Variants in GALNT13 observed in about 807,000 individuals in gnomAD.
GALNT13 encodes polypeptide N-acetylgalactosaminyltransferase 13, also known as UDP-GalNAc:polypeptide N-acetylgalactosaminyltransferase 13.
A neutral mutation model predicts 64.2 loss-of-function variants in GALNT13; 28 were observed. The observed-to-expected ratio is 0.44, with a 90% CI of 0.32 to 0.60. The LOEUF (loss-of-function observed/expected upper bound fraction) is 0.60. Among genes scored for constraint, GALNT13 ranks in the 20% least tolerant of loss-of-function variants. The probability of loss-of-function intolerance (pLI) is 0.05; values close to 1 mark genes in which losing one functional copy is unlikely to be tolerated. For synonymous variants in GALNT13, 214 were observed against 224.6 expected (o/e 0.95, Z 0.42); for missense variants, 577 against 669.8 (o/e 0.86, Z 1.53).
chr2:154,134,252 G>A (rs1395929944), intron 3 of GALNT13, among the ~76,000 whole-genome samples: 1 of 152,170 alleles, frequency 6.6e-6, no homozygotes, highest in Non-Finnish European at 1.5e-5. Flanking sequence ...ATGGAATGAT[G>A]TAAAAGAGCT....
At chr2:153,789,862 C>T in the GALNT13 span, among the ~76,000 whole-genome samples, 1 of 152,032 alleles carries the variant, frequency 6.6e-6, no homozygotes, top group East Asian at 1.9e-4. Context: ...GACACATACA[C>T]CCTCCTGAGA....
chr2:154,127,709 C>CACGTGTGTGT (rs531891757), intron 3 of GALNT13, among the ~76,000 whole-genome samples: 1 of 125,912 alleles, frequency 7.9e-6, no homozygotes, highest in East Asian at 2.6e-4. Context: ...CACACACACA[C>CACGTGTGTGT]GTGTGTGTGT....
intron 3 of GALNT13, among the ~76,000 whole-genome samples, chr2:153,993,106 G>T (rs771812445): frequency 1.3e-5 from 2 of 151,882 alleles, no homozygotes; most frequent in African/African-American, 2.4e-5. Context: ...ATATATTTAC[G>T]ACTAATATAT....
intron 4 of GALNT13, among the ~76,000 whole-genome samples, chr2:154,240,452 C>T (rs1689421167): frequency 6.6e-6 from 1 of 152,184 alleles, no homozygotes; most frequent in African/African-American, 2.4e-5. Flanking sequence ...AAACTTCACC[C>T]TAGACCTAGT....
At chr2:153,188,049 A>C in the GALNT13 span, among the ~76,000 whole-genome samples, 1 of 152,114 alleles carries the variant, frequency 6.6e-6, no homozygotes, top group East Asian at 1.9e-4. Context: ...TAATAAAATA[A>C]AACTTTTTTA....
intron 3 of GALNT13, among the ~76,000 whole-genome samples, chr2:153,980,935 A>G (rs1694419311): frequency 6.6e-6 from 1 of 152,136 alleles, no homozygotes; most frequent in African/African-American, 2.4e-5. Flanking sequence ...TTCCTTTTCA[A>G]CTAAAGGAGC....
At chr2:153,633,938 T>A in the GALNT13 span, among the ~76,000 whole-genome samples, 1 of 152,230 alleles carries the variant, frequency 6.6e-6, no homozygotes, top group Non-Finnish European at 1.5e-5. Flanking sequence ...ATTTCCGATG[T>A]CTGACTTAAA....
chr2:153,984,375 C>G (rs1394636645), intron 3 of GALNT13, among the ~76,000 whole-genome samples: 2 of 151,674 alleles, frequency 1.3e-5, no homozygotes, highest in Non-Finnish European at 2.9e-5. Flanking sequence ...AGGATACTAG[C>G]TCCAGAAGAC....
the GALNT13 span, among the ~76,000 whole-genome samples, chr2:153,737,827 C>T: frequency 1.3e-5 from 2 of 151,794 alleles, no homozygotes; most frequent in Admixed American, 6.6e-5. Context: ...TATTTGTATC[C>T]AATTGCTGTA....
At chr2:154,360,524 GCAGAAAAGCGAAAAA>G (rs1328234755) in intron 9 of GALNT13, among the ~76,000 whole-genome samples, 2 of 152,128 alleles carry the variant, frequency 1.3e-5, no homozygotes, top group Non-Finnish European at 2.9e-5. Context: ...TGCTGCTTTC[GCAGAAAAGCGAAAAA>G]CATTCCCAAA....
At chr2:153,486,567 G>A in the GALNT13 span, among the ~76,000 whole-genome samples, 2 of 152,128 alleles carry the variant, frequency 1.3e-5, no homozygotes, top group South Asian at 2.1e-4. Flanking sequence ...CCAGGCATGT[G>A]AAATAACGTT....
the GALNT13 span, chr2:153,201,604 TC>T: frequency 6.6e-6 from 1 of 152,198 alleles, no homozygotes. Flanking sequence ...TCTTTATAGC[TC>T]TTTTGTCATC....
At chr2:153,705,973 G>A in the GALNT13 span, among the ~76,000 whole-genome samples, 2 of 151,876 alleles carry the variant, frequency 1.3e-5, no homozygotes, top group Non-Finnish European at 2.9e-5. Flanking sequence ...AAATATATAT[G>A]CTTTGTATTG....
At chr2:153,180,172 A>G in the GALNT13 span, among the ~76,000 whole-genome samples, 9 of 152,098 alleles carry the variant, frequency 5.9e-5, no homozygotes, top group South Asian at 6.2e-4. Context: ...CTTATTCTAT[A>G]TGGTCCTTAT....
intron 12 of GALNT13, among the ~76,000 whole-genome samples, chr2:154,443,926 C>T (rs1467636147): frequency 6.6e-6 from 1 of 152,050 alleles, no homozygotes; most frequent in African/African-American, 2.4e-5. Flanking sequence ...ATAAACAAAA[C>T]TCAATACTAT....
intron 4 of GALNT13, among the ~76,000 whole-genome samples, chr2:154,165,637 A>G (rs1433228179): frequency 1.3e-5 from 2 of 152,234 alleles, no homozygotes; most frequent in African/African-American, 4.8e-5. Context: ...ATAGGAATAG[A>G]TGCAGCATAA....
intron 2 of GALNT13, among the ~76,000 whole-genome samples, chr2:153,938,671 G>A (rs1691121228): frequency 6.6e-6 from 1 of 152,146 alleles, no homozygotes; most frequent in East Asian, 1.9e-4. Context: ...CAAGATGTCA[G>A]CAGTGTTGAT....
At chr2:153,593,715 C>T in the GALNT13 span, among the ~76,000 whole-genome samples, 1 of 152,064 alleles carries the variant, frequency 6.6e-6, no homozygotes, top group Non-Finnish European at 1.5e-5. Flanking sequence ...AGCACAAATT[C>T]CTTAAAAAAT....
intron 3 of GALNT13, among the ~76,000 whole-genome samples, chr2:154,110,468 G>A (rs1458721024): frequency 6.7e-6 from 1 of 149,434 alleles, no homozygotes; most frequent in Non-Finnish European, 1.5e-5. Context: ...TAGGCCGTCT[G>A]CAAGCTGAGG....
Sources: allele counts gnomAD v4.1 joint callset (sites outside exome capture counted in the v4.1 genomes callset), GRCh38; gene constraint gnomAD v4.1.1; transcripts MANE v1.5; gene names NCBI Gene and HGNC (gene_info 2026-07-23, HGNC 2026-07-21).